Variants in CTNNA2 observed in about 807,000 individuals in gnomAD.
The protein encoded by CTNNA2 is catenin alpha-2.
CTNNA2 carries 42 observed loss-of-function variants against 101.0 expected under a neutral mutation model. The ratio of observed to expected loss-of-function variants is 0.42; its 90% CI spans 0.32 to 0.54. CTNNA2 has a LOEUF of 0.54. Ranked by LOEUF, CTNNA2 falls within the 20% of genes least tolerant of loss-of-function variation. The probability of loss-of-function intolerance (pLI) is 0.14; values close to 1 mark genes in which losing one functional copy is unlikely to be tolerated. For synonymous variants in CTNNA2, 450 were observed against 456.4 expected (o/e 0.99, Z 0.18); for missense variants, 871 against 1,223.1 (o/e 0.71, Z 4.29).
chr2:79,374,422 A>C (rs1677940007), intron 4 of CTNNA2, among the ~76,000 whole-genome samples: 1 of 152,160 alleles, frequency 6.6e-6, no homozygotes. Flanking sequence ...TGATTCATGG[A>C]CTGACATGCA....
chr2:79,748,824 A>G (rs1363729544), intron 3 of CTNNA2, among the ~76,000 whole-genome samples: 1 of 152,112 alleles, frequency 6.6e-6, no homozygotes, highest in Non-Finnish European at 1.5e-5. Flanking sequence ...TTTTTACTCT[A>G]GAATATTCCA....
chr2:80,146,614 G>A (rs17018689), intron 7 of CTNNA2, among the ~76,000 whole-genome samples: 24,078 of 149,990 alleles, frequency 0.16, 3,559 homozygotes, highest in African/African-American at 0.4. Context: ...TGGACCACGA[G>A]ACTCTCACTT....
At chr2:79,816,877 G>C (rs974286313) in intron 3 of CTNNA2, among the ~76,000 whole-genome samples, 1 of 152,124 alleles carries the variant, frequency 6.6e-6, no homozygotes, top group African/African-American at 2.4e-5. Context: ...GCTGGCAAAA[G>C]AGCATCTCAA....
intron 2 of CTNNA2, among the ~76,000 whole-genome samples, chr2:79,234,121 T>C (rs1160520602): frequency 1.3e-5 from 2 of 151,576 alleles, no homozygotes; most frequent in Admixed American, 6.6e-5. Flanking sequence ...GATGGTGTAG[T>C]TTCTTTTTAT....
Position 80,164,109 on chromosome 2 carries a change from T to G in CTNNA2, c.1057-229102T>G, listed in dbSNP as rs546151075. Among the ~76,000 whole-genome samples, 6 of 151,974 alleles carry G rather than the reference T, an allele frequency of 3.9e-5. No homozygotes were observed. In the East Asian group the frequency reaches 1.2e-3, roughly 29 times the overall value. On this transcript the variant is annotated intron_variant, in intron 7 of 18. Coordinates refer to ENST00000402739, the MANE Select transcript of CTNNA2 (RefSeq NM_001282597.3). ...AATGGTTTTGGATCCAGTCTTCTAA[T>G]ATATACGTTTTAATTGGCATATTTA...
chr2:80,600,698 A>G (rs984276597), intron 15 of CTNNA2, among the ~76,000 whole-genome samples: 1 of 152,164 alleles, frequency 6.6e-6, no homozygotes, highest in African/African-American at 2.4e-5. Context: ...GACTGAACAT[A>G]TCTACAGAAA....
chr2:80,633,005 T>C (rs1026850861), intron 18 of CTNNA2, among the ~76,000 whole-genome samples: 6 of 152,196 alleles, frequency 3.9e-5, no homozygotes, highest in African/African-American at 1.4e-4. Flanking sequence ...GTTTCTCTAA[T>C]GTATTATCTT....
At chr2:79,463,650 T>A (rs1670902525) in intron 4 of CTNNA2, among the ~76,000 whole-genome samples, 1 of 152,192 alleles carries the variant, frequency 6.6e-6, no homozygotes, top group African/African-American at 2.4e-5. Context: ...AACTACCTGA[T>A]ACCTTGGAAG....
At chr2:79,571,209 T>C (rs1208160519) in intron 1 of CTNNA2, among the ~76,000 whole-genome samples, 1 of 152,148 alleles carries the variant, frequency 6.6e-6, no homozygotes, top group African/African-American at 2.4e-5. Context: ...CATTTCTCAT[T>C]TGGAATGGTC....
intron 2 of CTNNA2, among the ~76,000 whole-genome samples, chr2:79,694,242 T>G (rs1684506900): frequency 6.6e-6 from 1 of 151,982 alleles, no homozygotes; most frequent in Admixed American, 6.6e-5. Context: ...AAACTATTCA[T>G]AACATCTTTT....
chr2:79,534,939 T>C (rs1415082734), intron 1 of CTNNA2, among the ~76,000 whole-genome samples: 1 of 148,850 alleles, frequency 6.7e-6, no homozygotes, highest in Non-Finnish European at 1.5e-5. Context: ...TAGAAAAAAA[T>C]ACACATAACT....
At chr2:79,333,144 A>G (rs1445332441) in intron 3 of CTNNA2, among the ~76,000 whole-genome samples, 4 of 152,190 alleles carry the variant, frequency 2.6e-5, no homozygotes, top group Non-Finnish European at 4.4e-5. Context: ...ACAGGGAGCA[A>G]ACATTTAGAA....
intron 1 of CTNNA2, among the ~76,000 whole-genome samples, chr2:79,603,476 G>T (rs1677681910): frequency 6.6e-6 from 1 of 152,068 alleles, no homozygotes; most frequent in Non-Finnish European, 1.5e-5. Context: ...TATTAGAGAA[G>T]ATTGTTGAAA....
At chr2:79,723,195 A>G (rs1311173661) in intron 2 of CTNNA2, among the ~76,000 whole-genome samples, 1 of 152,030 alleles carries the variant, frequency 6.6e-6, no homozygotes. Flanking sequence ...CTACTCCTGC[A>G]CAAGTCCTAT....
chr2:79,432,359 A>C lies in CTNNA2; in HGVS notation c.-135+58346A>C, dbSNP rs574083869. 1.6e-4 allele frequency among the ~76,000 whole-genome samples: 25 copies of C among 152,316 alleles called. No homozygotes were observed. In the South Asian group the frequency reaches 4.6e-3, roughly 28 times the overall value. ...TACCCAGAACCAGGATTCCAACTCA[A>C]GTTGACCTAACTCCAAAATCTATGT... On this transcript the variant is annotated intron_variant, in intron 4 of 21. Coordinates refer to the CTNNA2 transcript ENST00000466387.
chr2:80,079,882 TAATAA>T (rs546368247), intron 7 of CTNNA2, among the ~76,000 whole-genome samples: 4,301 of 54,274 alleles, frequency 0.079, 232 homozygotes, highest in African/African-American at 0.2. Flanking sequence ...TAAAATAAAA[TAATAA>T]AATAAAATAA....
chr2:80,420,034 G>GAAAAAA, intron 9 of CTNNA2, among the ~76,000 whole-genome samples: 1 of 37,546 alleles, frequency 2.7e-5, no homozygotes, highest in Non-Finnish European at 6.0e-5. Flanking sequence ...GGGAACTTGT[G>GAAAAAA]AAAAAAAAAA....
intron 7 of CTNNA2, among the ~76,000 whole-genome samples, chr2:80,374,067 A>AT (rs1675698965): frequency 6.6e-6 from 1 of 152,100 alleles, no homozygotes; most frequent in African/African-American, 2.4e-5. Context: ...TTTAAAAAAA[A>AT]AAAAGATTTC....
intron 7 of CTNNA2, among the ~76,000 whole-genome samples, chr2:80,040,435 A>G (rs927904107): frequency 6.6e-6 from 1 of 152,140 alleles, no homozygotes; most frequent in African/African-American, 2.4e-5. Flanking sequence ...TATGGCAGAG[A>G]CAGAGCTCTC....
Sources: gnomAD v4.1 joint callset for allele counts (sites outside exome capture counted in the v4.1 genomes callset) on GRCh38, gnomAD v4.1.1 for gene constraint, MANE v1.5 for transcripts, NCBI Gene and HGNC (gene_info 2026-07-23, HGNC 2026-07-21) for gene names.